The following DYNC1LI2 variants were observed in gnomAD, a reference collection of about 807,000 sequenced individuals.
DYNC1LI2 encodes the protein cytoplasmic dynein 1 light intermediate chain 2.
DYNC1LI2 carries 19 observed loss-of-function variants against 57.8 expected under a neutral mutation model. The observed-to-expected ratio is 0.33, with a 90% CI of 0.23 to 0.48. The LOEUF is 0.48. Among genes scored for constraint, DYNC1LI2 ranks in the 20% least tolerant of loss-of-function variants. The pLI is 0.99. For synonymous variants in DYNC1LI2, 256 were observed against 233.4 expected, an observed-to-expected ratio of 1.10 and a Z score of -0.88; for missense variants, 470 against 604.2, an observed-to-expected ratio of 0.78 and a Z score of 2.33.
intron 3 of DYNC1LI2, among the ~76,000 whole-genome samples, chr16:66,743,897 GATA>G (rs2017887386): frequency 1.3e-5 from 2 of 152,252 alleles, no homozygotes; most frequent in South Asian, 2.1e-4. Context: ...TTTTTGTTAT[GATA>G]ATAATATGGT....
chr16:66,744,003 G>A (rs1001975500), intron 3 of DYNC1LI2, among the ~76,000 whole-genome samples: 12 of 152,244 alleles, frequency 7.9e-5, no homozygotes, highest in African/African-American at 2.9e-4. Flanking sequence ...ATCATCTAGT[G>A]GGGAGTAAAC....
At chr16:66,750,850 C>T (rs952348065) in intron 2 of DYNC1LI2, among the ~76,000 whole-genome samples, 2 of 152,122 alleles carry the variant, frequency 1.3e-5, no homozygotes, top group Non-Finnish European at 1.5e-5. Context: ...CTGCAAAGTC[C>T]CTAAAACCTC....
chr16:66,749,596 T>C (rs906152864), intron 2 of DYNC1LI2, among the ~76,000 whole-genome samples: 3 of 152,198 alleles, frequency 2.0e-5, no homozygotes, highest in Admixed American at 6.5e-5. Context: ...GCCCTATCTA[T>C]AATTTATAAG....
chr16:66,745,054 G>A (rs1460480746), intron 3 of DYNC1LI2, among the ~76,000 whole-genome samples: 1 of 151,688 alleles, frequency 6.6e-6, no homozygotes, highest in African/African-American at 2.4e-5. Flanking sequence ...GATTACAGGA[G>A]TGCACCACTA....
intron 9 of DYNC1LI2, 144 bp from the exon 10 acceptor site, chr16:66,728,386 A>G: frequency 1.1e-6 from 1 of 893,318 alleles, no homozygotes; most frequent in Non-Finnish European, 1.7e-6. Context: ...GATGCCAAAA[A>G]ATTTTAATTG....
At chr16:66,731,410 T>C (rs139158738) in intron 7 of DYNC1LI2, 1 of 152,480 alleles carries the variant, frequency 6.6e-6, no homozygotes, top group African/African-American at 2.4e-5. Context: ...CCCAAATCCC[T>C]GAGAGCTCCT....
intron 7 of DYNC1LI2, chr16:66,731,024 C>G (rs571515105): frequency 6.6e-6 from 1 of 152,370 alleles, no homozygotes; most frequent in South Asian, 2.1e-4. Context: ...GCTCTATAAT[C>G]AAGAGGGTGC....
In DYNC1LI2 at chr16:66,730,070, C is replaced by T. The variant is rs367817929; in HGVS notation, c.1041+42G>A. On this transcript the variant is annotated intron_variant, in intron 8 of 12. Transcript: ENST00000258198. ...TGCTGGGATTACAGGCATCAGCCAC[C>T]GCGCCCGGCCCTAAACCCTTAAAGC... is the stretch of plus-strand genomic sequence containing the variant. 7.3e-4 allele frequency: 1,137 copies of T among 1,567,306 alleles called. 22 individuals carry two copies. The highest frequency in any genetic ancestry group is 5.1e-4 in the Middle Eastern group (3 of 5,888).
chr16:66,743,664 A>G (rs2145001766), intron 3 of DYNC1LI2, among the ~76,000 whole-genome samples: 1 of 152,272 alleles, frequency 6.6e-6, no homozygotes, highest in South Asian at 2.1e-4. Flanking sequence ...TAAATAATCC[A>G]TCATCCTAAG....
rs1278577804 is a variant in DYNC1LI2 at position 66,751,448 on chromosome 16, G to A, written c.107+37C>T. ...TCCGACGGTCCGGCCCAGAGGCCGC[G>A]CCCCCCACGGCCCGGCCCGACCGCC... is the stretch of plus-strand genomic sequence containing the variant. On this transcript the variant is annotated intron_variant, in intron 1 of 12. Coordinates refer to ENST00000258198, the MANE Select transcript of DYNC1LI2 (RefSeq NM_006141.3). The surrounding 1 kb of genome is among the most constrained non-coding windows in gnomAD (Gnocchi z 5.2). 1 of 1,577,448 alleles carries A rather than the reference G, an allele frequency of 6.3e-7. No homozygotes were observed. The highest frequency in any genetic ancestry group is 1.1e-5 in the South Asian group (1 of 87,866).
intron 4 of DYNC1LI2, among the ~76,000 whole-genome samples, chr16:66,740,181 G>A (rs2017811477): frequency 6.6e-6 from 1 of 152,170 alleles, no homozygotes; most frequent in South Asian, 2.1e-4. Context: ...GATGATCCCT[G>A]CAGCCAAACA....
At chr16:66,734,642 G>A (rs956252990) in intron 5 of DYNC1LI2, among the ~76,000 whole-genome samples, 5 of 152,056 alleles carry the variant, frequency 3.3e-5, no homozygotes, top group African/African-American at 1.2e-4. Flanking sequence ...AGAACAGGAT[G>A]AGAATGGCAC....
At chr16:66,735,696 C>T (rs1295336488) in intron 5 of DYNC1LI2, among the ~76,000 whole-genome samples, 1 of 151,696 alleles carries the variant, frequency 6.6e-6, no homozygotes, top group African/African-American at 2.4e-5. Flanking sequence ...TTTGTAGAGA[C>T]GGGGTTTCAC....
chr16:66,727,815 A>G lies in DYNC1LI2; in HGVS notation c.1144-10T>C, dbSNP rs1033213362. On this transcript the variant is annotated splice_polypyrimidine_tract_variant and intron_variant, in intron 10 of 12. Transcript: ENST00000258198. ...CTCTTGCAGGAGATTCCTAAGTCCA[A>G]AAGCAGCTAAGGTCACACACAGGCA... The G allele has an allele frequency of 2.5e-6, 4 of 1,607,526 alleles. No individual in the cohort carries two copies. In the African/African-American group the frequency reaches 5.4e-5, roughly 22 times the overall value.
chr16:66,741,311 C>T (rs528133836), intron 4 of DYNC1LI2, among the ~76,000 whole-genome samples: 2 of 152,162 alleles, frequency 1.3e-5, no homozygotes, highest in South Asian at 4.1e-4. Flanking sequence ...GGCTCTATTT[C>T]AGGAAAAAAG....
At chr16:66,742,131 C>G (rs868834101) in intron 4 of DYNC1LI2, among the ~76,000 whole-genome samples, 1 of 152,046 alleles carries the variant, frequency 6.6e-6, no homozygotes, top group Non-Finnish European at 1.5e-5. Flanking sequence ...CAGAGAGTAA[C>G]AGAAAAGCAC....
chr16:66,725,718 T>C, intron 12 of DYNC1LI2, 110 bp downstream of exon 12: 1 of 1,073,106 alleles, frequency 9.3e-7, no homozygotes, highest in East Asian at 2.5e-5. Flanking sequence ...ACCTGCTTCC[T>C]TGCTTGGCTA....
At chr16:66,726,078 C>A in intron 11 of DYNC1LI2, 134 bp from the exon 12 acceptor site, 1 of 845,806 alleles carries the variant, frequency 1.2e-6, no homozygotes, top group Non-Finnish European at 1.8e-6. Flanking sequence ...TCATTCGCTA[C>A]GATGCCTTTA....
intron 3 of DYNC1LI2, among the ~76,000 whole-genome samples, chr16:66,745,685 C>T (rs2017923016): frequency 1.3e-5 from 2 of 151,724 alleles, no homozygotes; most frequent in Admixed American, 6.6e-5. Flanking sequence ...GGGTGGATCA[C>T]TTGAGCTCAA....
Sources: gnomAD v4.1 joint callset for allele counts (sites outside exome capture counted in the v4.1 genomes callset) on GRCh38, gnomAD v4.1.1 for gene constraint, Gnocchi (gnomAD v3.1) non-coding constraint, MANE v1.5 for transcripts, NCBI Gene and HGNC (gene_info 2026-07-23, HGNC 2026-07-21) for gene names.